IL1B: variants seen among roughly 807,000 people sequenced by gnomAD.
IL1B encodes interleukin 1 beta, also known as interleukin-1 beta.
A neutral mutation model predicts 26.2 loss-of-function variants in IL1B; 11 were observed. The observed-to-expected ratio is 0.42, with a 90% CI of 0.26 to 0.70. The LOEUF is 0.70. Ranked by LOEUF, IL1B falls within the 30% of genes least tolerant of loss-of-function variation. IL1B has a pLI of 0.25. For missense variants in IL1B, 255 were observed against 327.5 expected (o/e 0.78, Z 1.71); for synonymous variants, 118 against 120.8 (o/e 0.98, Z 0.15).
intron 3 of IL1B, among the ~76,000 whole-genome samples, chr2:112,833,803 G>A (rs1354015633): frequency 6.6e-6 from 1 of 152,086 alleles, no homozygotes; most frequent in African/African-American, 2.4e-5. Flanking sequence ...AACCAGCCTG[G>A]CCAACATGGC....
Position 112,831,431 on chromosome 2 carries a change from A to T in IL1B, c.467-9T>A. The T allele has an allele frequency of 6.2e-7, 1 of 1,613,046 alleles. No individual in the cohort carries two copies. Among genetic ancestry groups the T allele is most frequent in the Middle Eastern group, 1.7e-4 (1 of 6,052 alleles). On this transcript the variant is annotated splice_polypyrimidine_tract_variant and intron_variant, in intron 5 of 6. Transcript: ENST00000263341. ...GGACATGGAGAACACCACTGAAGAA[A>T]GAAGGGGGTCTTGTGGTTAGGGACA...
In IL1B at chr2:112,836,188, A is replaced by G. The variant is rs761463780; in HGVS notation, c.42T>C (p.Tyr14=). 1.1e-5 allele frequency: 17 copies of G among 1,613,540 alleles called. No individual in the cohort carries two copies. The highest frequency in any genetic ancestry group is 6.7e-5 in the African/African-American group (5 of 74,938). ...GTCTCAGCGTCTCCACTGACCTGTAATAAGCCATCATTTCACTGGCGAGCT... is the reference window on the plus strand; with the variant it reads ...GTCTCAGCGTCTCCACTGACCTGTAGTAAGCCATCATTTCACTGGCGAGCT... ...VPELASEMMA[Y]YSGNEDDLFF... is the part of the protein sequence containing the mutation. Residue 14 remains tyrosine (Y), a synonymous_variant, in exon 2 of 7, where the codon TAT becomes TAC. Transcript: ENST00000263341.
chr2:112,835,749 GGCAAGTTTCACAGTGATAT>G lies in IL1B; in HGVS notation c.48-151_48-133del, dbSNP rs1682076326. 6.2e-6 allele frequency: 5 copies of G among 803,536 alleles called. No individual in the cohort carries two copies. In the South Asian group the frequency reaches 7.1e-5, roughly 11 times the overall value. The allele number at this position is 803,536 out of a possible 1,614,324, so 49.8% of individuals were successfully genotyped here. A position where few individuals can be genotyped will look rare whatever the true frequency, so the allele number is the denominator to read the frequency against. ...CCTCTCAAAGCTGCCTGAAACACCT[GGCAAGTTTCACAGTGATAT>G]GCGCAGAACAGTCCAGAAGGCAGAT... On this transcript the variant is annotated intron_variant, in intron 2 of 6. Transcript: ENST00000263341.
At chr2:112,834,552 T>G (rs1464939533) in intron 3 of IL1B, among the ~76,000 whole-genome samples, 6 of 152,222 alleles carry the variant, frequency 3.9e-5, no homozygotes, top group Non-Finnish European at 8.8e-5. Flanking sequence ...AAAAGAAAGT[T>G]GAGCAGGAGA....
rs1027456688 is a variant in IL1B at position 112,830,503 on chromosome 2, T to C, written c.668A>G (p.Asn223Ser). 1.9e-6 allele frequency: 3 copies of C among 1,614,014 alleles called. No individual in the cohort carries two copies. The highest frequency in any genetic ancestry group is 3.3e-5 in the Admixed American group (2 of 60,008). Residue 223 changes from asparagine (N) to serine (S), a missense_variant, in exon 7 of 7, where the codon AAT becomes AGT. Coordinates refer to ENST00000263341, the MANE Select transcript of IL1B (RefSeq NM_000576.3). ...GGCAGACTCAAATTCCAGCTTGTTA[T>C]TGATTTCTATCTTGTTGAAGACAAA... ...KRFVFNKIEI[N>S]NKLEFESAQF...
In IL1B at chr2:112,836,738, C is replaced by G. The variant is rs910945554; in HGVS notation, c.-46G>C. The G allele has an allele frequency of 6.2e-6, 1 of 161,386 alleles. No homozygotes were observed. Among genetic ancestry groups the G allele is most frequent in the Non-Finnish European group, 1.4e-5 (1 of 72,800 alleles). The allele number at this position is 161,386 out of a possible 1,614,324, so 10.0% of individuals were successfully genotyped here. A position where few individuals can be genotyped will look rare whatever the true frequency, so the allele number is the denominator to read the frequency against. On this transcript the variant is annotated 5_prime_UTR_variant, in exon 1 of 7. Transcript: ENST00000263341. ...CAATGAAGATTGGCTGAAGAGAATC[C>G]CAGAGCAGCCTGTTGTGCCTTGTGC... is the stretch of plus-strand genomic sequence containing the variant.
Position 112,829,950 on chromosome 2 carries a change from A to G in IL1B, c.*411T>C, listed in dbSNP as rs1573275553. ...ACTAGGCTCTTTTACAGACACTGCT[A>G]CTTCTTGCCCCCTTTGAATAAATTA... On this transcript the variant is annotated 3_prime_UTR_variant, in exon 7 of 7. Coordinates refer to ENST00000263341, the MANE Select transcript of IL1B (RefSeq NM_000576.3). 5.4e-6 allele frequency: 1 copy of G among 185,084 alleles called. No individual in the cohort carries two copies. The highest frequency in any genetic ancestry group is 1.4e-4 in the East Asian group (1 of 7,318). The allele number at this position is 185,084 out of a possible 1,614,324, so 11.5% of individuals were successfully genotyped here.
chr2:112,835,577 T>G lies in IL1B; in HGVS notation c.88A>C (p.Lys30Gln), dbSNP rs1287408224. ...ACCCATAGTCTTACCTTCATCTGTT[T>G]AGGGCCATCAGCTTCAAAGAACAAG... ...DDLFFEADGP[K>Q]QMKCSFQDLD... The change falls in exon 3 of 7, where the codon AAA becomes CAA. Residue 30 changes from lysine (K) to glutamine (Q), a missense_variant. Coordinates refer to ENST00000263341, the MANE Select transcript of IL1B (RefSeq NM_000576.3). 3.1e-6 allele frequency: 5 copies of G among 1,613,680 alleles called. No homozygotes were observed. Among genetic ancestry groups the G allele is most frequent in the Non-Finnish European group, 4.2e-6 (5 of 1,179,544 alleles).
Position 112,832,917 on chromosome 2 carries a change from C to A in IL1B, c.302-91G>T, listed in dbSNP as rs1573277838. On this transcript the variant is annotated intron_variant, in intron 4 of 6. Coordinates refer to ENST00000263341, the MANE Select transcript of IL1B (RefSeq NM_000576.3). ...GCAAAATTTGATTTCTTGGAGGACA[C>A]CTGAGCATATACGGTCAAAGTCTGA... The A allele has an allele frequency of 2.9e-5, 36 of 1,243,992 alleles. 1 individual carries two copies. In the East Asian group the frequency reaches 8.3e-4, roughly 29 times the overall value. 77.1% of individuals were successfully genotyped at this position (1,243,992 alleles called of 1,614,324 possible). A position where few individuals can be genotyped will look rare whatever the true frequency, so the allele number is the denominator to read the frequency against.
At position 112,833,838 on chromosome 2, in the gene IL1B, C is replaced by CA. The variant is rs3917358; in HGVS notation, c.100-264dup. ...CGAAACCCCTTCTCTACTAAAAATA[C>CA]AAAAATTAGCTGGGTGTGGTGGGGT... On this transcript the variant is annotated intron_variant, in intron 3 of 6. Coordinates refer to ENST00000263341, the MANE Select transcript of IL1B (RefSeq NM_000576.3). Among the ~76,000 whole-genome samples, 772 of 152,034 alleles carry CA rather than the reference C, an allele frequency of 5.1e-3. 5 individuals carry two copies. Among genetic ancestry groups the CA allele is most frequent in the African/African-American group, 0.018 (741 of 41,494 alleles).
rs1681959715 is a variant in IL1B at position 112,830,518 on chromosome 2, T to C, written c.653A>G (p.Asn218Ser). 1 of 1,613,866 alleles carries C rather than the reference T, an allele frequency of 6.2e-7. No individual in the cohort carries two copies. The change falls in exon 7 of 7, where the codon AAC becomes AGC. Residue 218 changes from asparagine to serine, a missense_variant. Transcript: ENST00000263341. ...KKKMEKRFVFNKIEINNKLEF... is the reference protein window; with the variant it reads ...KKKMEKRFVFSKIEINNKLEF... Reference sequence around the variant, plus strand: ...CAGCTTGTTATTGATTTCTATCTTGTTGAAGACAAATCGCTTTTCCATCTT... The same window carrying C: ...CAGCTTGTTATTGATTTCTATCTTGCTGAAGACAAATCGCTTTTCCATCTT...
chr2:112,836,130 A>T, intron 2 of IL1B, 53 bp downstream of exon 2: 1 of 1,544,934 alleles, frequency 6.5e-7, no homozygotes, highest in Non-Finnish European at 8.9e-7. Context: ...ATAACACTCT[A>T]CTCTTGAAAG....
chr2:112,834,237 A>T (rs200619471), intron 3 of IL1B, among the ~76,000 whole-genome samples: 1 of 152,058 alleles, frequency 6.6e-6, no homozygotes, highest in African/African-American at 2.4e-5. Flanking sequence ...TACCTTCTCT[A>T]TATCTTTTTG....
chr2:112,833,324 C>T, intron 4 of IL1B, 50 bp downstream of exon 4: 2 of 1,573,608 alleles, frequency 1.3e-6, no homozygotes, highest in South Asian at 2.2e-5. Context: ...GGCTTGATGA[C>T]TTCCAAGAGG....
rs3917357 is a variant in IL1B, at chr2:112,833,994, T to TAAAAC, written c.100-424_100-420dup. 1.9e-3 allele frequency among the ~76,000 whole-genome samples: 288 copies of TAAAAC among 151,488 alleles called. 3 individuals are homozygous for TAAAAC. The East Asian group carries it at 0.028, about 15-fold the overall frequency. On this transcript the variant is annotated intron_variant, in intron 3 of 6. Transcript: ENST00000263341. The stretch of plus-strand genomic sequence containing the variant: ...GGCAACAGAGTGAGACTCTGTCTCA[T>TAAAAC]AAAACAAAACAAAACAAAACAAAAC...
Position 112,833,575 on chromosome 2 carries a change from A to G in IL1B, c.100T>C (p.Cys34Arg), listed in dbSNP as rs569468521. 6.2e-7 allele frequency: 1 copy of G among 1,613,874 alleles called. No individual in the cohort carries two copies. The highest frequency in any genetic ancestry group is 2.2e-5 in the East Asian group (1 of 44,874). ...CAGAGGTCCAGGTCCTGGAAGGAGCACTGCGGAGAGAGCGAGGGAGGGAGC... is the reference window on the plus strand; with the variant it reads ...CAGAGGTCCAGGTCCTGGAAGGAGCGCTGCGGAGAGAGCGAGGGAGGGAGC... ...FEADGPKQMK[C>R]SFQDLDLCPL... Residue 34 changes from cysteine (C) to arginine (R), a missense_variant and splice_region_variant, in exon 4 of 7, where the codon TGC becomes CGC. Physicochemically the swap from Cys to Arg is radical, Grantham distance 180. Transcript: ENST00000263341.
chr2:112,831,490 C>T, intron 5 of IL1B, 68 bp from the exon 6 acceptor site: 1 of 1,575,208 alleles, frequency 6.3e-7, no homozygotes, highest in Non-Finnish European at 8.7e-7. Context: ...CCCTAGGCCC[C>T]ATGAGTAGGA....
At chr2:112,833,103 G>T in intron 4 of IL1B, 4 of 599,594 alleles carry the variant, frequency 6.7e-6, no homozygotes, top group Non-Finnish European at 1.2e-5. Flanking sequence ...CTAGCCCACA[G>T]GGAGGTTACG....
chr2:112,830,081 C>A lies in IL1B; in HGVS notation c.*280G>T. 1 of 377,492 alleles carries A rather than the reference C, an allele frequency of 2.6e-6. No individual in the cohort carries two copies. The highest frequency in any genetic ancestry group is 4.8e-6 in the Non-Finnish European group (1 of 207,204). 23.4% of individuals were successfully genotyped at this position (377,492 alleles called of 1,614,324 possible). On this transcript the variant is annotated 3_prime_UTR_variant, in exon 7 of 7. Coordinates refer to ENST00000263341, the MANE Select transcript of IL1B (RefSeq NM_000576.3). ...GAGGGTTTCTTAGAACCAAATGTGG[C>A]CGTGGTTTCTGTCAGGCGGGCTTTA...
Sources: gnomAD v4.1 joint callset for allele counts (sites outside exome capture counted in the v4.1 genomes callset) on GRCh38, gnomAD v4.1.1 for gene constraint, MANE v1.5 for transcripts, NCBI Gene and HGNC (gene_info 2026-07-23, HGNC 2026-07-21) for gene names.